Variants in FREM3 observed in about 807,000 individuals in gnomAD.
The protein encoded by FREM3 is FRAS1-related extracellular matrix protein 3.
A neutral mutation model predicts 129.1 loss-of-function variants in FREM3; 105 were observed. That is an observed-to-expected ratio of 0.81 (90% confidence interval 0.69 to 0.96). FREM3 has a LOEUF of 0.96. Ranked by LOEUF, FREM3 falls within the 40% of genes least tolerant of loss-of-function variation. The pLI is 0.00. For missense variants in FREM3, 2,593 were observed against 2,666.3 expected, an observed-to-expected ratio of 0.97 and a Z score of 0.61; for synonymous variants, 1,014 against 1,044.9, an observed-to-expected ratio of 0.97 and a Z score of 0.57.
At chr4:143,646,715 T>C (rs2149847580) in intron 2 of FREM3, among the ~76,000 whole-genome samples, 2 of 152,302 alleles carry the variant, frequency 1.3e-5, no homozygotes, top group Middle Eastern at 6.8e-3. Flanking sequence ...CCTTTGTAAA[T>C]TACCCAGTCT....
chr4:143,612,146 G>A (rs1738768042), intron 5 of FREM3, among the ~76,000 whole-genome samples: 1 of 152,192 alleles, frequency 6.6e-6, no homozygotes. Flanking sequence ...AGTTTGAAGA[G>A]TTTTGACAAA....
chr4:143,678,227 C>T (rs1002213450), intron 2 of FREM3, among the ~76,000 whole-genome samples: 2 of 151,770 alleles, frequency 1.3e-5, no homozygotes, highest in African/African-American at 4.8e-5. Context: ...CTGATGAGTT[C>T]GTGTCCTTTG....
rs560006254 is a variant in FREM3 at position 143,611,438 on chromosome 4, T to C, written c.5869A>G (p.Lys1957Glu). The C allele has an allele frequency of 6.5e-7, 1 of 1,537,234 alleles. No homozygotes were observed. Among genetic ancestry groups the C allele is most frequent in the Non-Finnish European group, 8.7e-7 (1 of 1,146,860 alleles). The change falls in exon 6 of 8, where the codon AAG (lysine) becomes GAG (glutamate). Residue 1957 changes from lysine (K) to glutamate (E), a missense_variant. This residue lies in a region of FREM3 where 317 missense variants were observed against 399.0 expected (regional missense o/e 0.79). Transcript: ENST00000329798. ...EDHTSILHFD[K>E]NETQKTCQVL... ...TGGCAGGTCTTCTGTGTCTCATTCT[T>C]GTCAAAGTGGAGGATGCTGGTGTGG...
At chr4:143,632,543 C>G (rs1739159598) in intron 2 of FREM3, among the ~76,000 whole-genome samples, 1 of 152,138 alleles carries the variant, frequency 6.6e-6, no homozygotes, top group Non-Finnish European at 1.5e-5. Context: ...TCCTATCAAT[C>G]AGTACCTATC....
chr4:143,614,200 TA>T (rs1219485701), intron 5 of FREM3, among the ~76,000 whole-genome samples: 2 of 152,190 alleles, frequency 1.3e-5, no homozygotes, highest in Non-Finnish European at 2.9e-5. Context: ...TTGTATTTAA[TA>T]AAAAAATTCA....
intron 2 of FREM3, among the ~76,000 whole-genome samples, chr4:143,668,754 A>G (rs958118384): frequency 6.6e-6 from 1 of 152,230 alleles, no homozygotes. Flanking sequence ...CCAATTTCTC[A>G]TAAACACAGG....
intron 2 of FREM3, among the ~76,000 whole-genome samples, chr4:143,679,312 C>T (rs779115297): frequency 6.6e-6 from 1 of 152,100 alleles, no homozygotes; most frequent in Admixed American, 6.6e-5. Context: ...TTCTCTCATT[C>T]GTTGAATTCT....
chr4:143,682,325 C>T (rs889695840), intron 2 of FREM3, among the ~76,000 whole-genome samples: 4 of 152,114 alleles, frequency 2.6e-5, no homozygotes, highest in South Asian at 2.1e-4. Flanking sequence ...ATTGGCTGTC[C>T]GCAACAAATC....
intron 5 of FREM3, among the ~76,000 whole-genome samples, chr4:143,615,707 C>CAAAA (rs55880735): frequency 1.3e-4 from 18 of 138,952 alleles, no homozygotes; most frequent in African/African-American, 5.3e-4. Flanking sequence ...CGTCAAGTGT[C>CAAAA]AAAAAAAAAA....
chr4:143,633,436 G>A (rs1739176099), intron 2 of FREM3, among the ~76,000 whole-genome samples: 1 of 152,052 alleles, frequency 6.6e-6, no homozygotes, highest in Admixed American at 6.6e-5. Context: ...TTCAATTATT[G>A]CATAAATATT....
chr4:143,616,643 A>C (rs1028452482), intron 5 of FREM3, among the ~76,000 whole-genome samples: 1 of 151,908 alleles, frequency 6.6e-6, no homozygotes, highest in Non-Finnish European at 1.5e-5. Context: ...AAAAAAGAAA[A>C]TTAGCCGGGC....
chr4:143,599,159 A>C (rs1738531174), intron 6 of FREM3, among the ~76,000 whole-genome samples: 1 of 152,218 alleles, frequency 6.6e-6, no homozygotes, highest in African/African-American at 2.4e-5. Flanking sequence ...GATTTTTAAA[A>C]AAGAATTTTG....
intron 2 of FREM3, among the ~76,000 whole-genome samples, chr4:143,654,304 T>C (rs562558551): frequency 3.3e-5 from 5 of 152,254 alleles, no homozygotes; most frequent in African/African-American, 1.2e-4. Flanking sequence ...GGTTTCACCA[T>C]GTTGGTCAGG....
chr4:143,685,094 G>A (rs1740335329), intron 2 of FREM3, among the ~76,000 whole-genome samples: 1 of 152,116 alleles, frequency 6.6e-6, no homozygotes, highest in South Asian at 2.1e-4. Context: ...GAATAATCAA[G>A]GAAAACTTCC....
rs776269686 is a variant in FREM3 at position 143,611,262 on chromosome 4, G to C, written c.6028+17C>G. The C allele has an allele frequency of 7.9e-6, 12 of 1,525,270 alleles. 1 individual carries two copies. The South Asian group carries it at 1.4e-4, about 18-fold the overall frequency. The allele number at this position is 1,525,270 out of a possible 1,614,324, so 94.5% of individuals were successfully genotyped here. A position where few individuals can be genotyped will look rare whatever the true frequency, so the allele number is the denominator to read the frequency against. Reference sequence around the variant, plus strand: ...GGCAGCTATTGCCAAAGGTTGGAAAGCAACAAATGGACTTACCATCATAAC... The same window carrying C: ...GGCAGCTATTGCCAAAGGTTGGAAACCAACAAATGGACTTACCATCATAAC... On this transcript the variant is annotated intron_variant, in intron 6 of 7. Coordinates refer to ENST00000329798, the MANE Select transcript of FREM3 (RefSeq NM_001168235.2).
At chr4:143,609,363 T>A (rs1409005947) in intron 6 of FREM3, among the ~76,000 whole-genome samples, 2 of 152,222 alleles carry the variant, frequency 1.3e-5, no homozygotes, top group Non-Finnish European at 2.9e-5. Flanking sequence ...GGAAAAGGAA[T>A]TTGAAGCTAT....
chr4:143,579,492 A>G (rs1304170662), intron 7 of FREM3, among the ~76,000 whole-genome samples: 2 of 152,174 alleles, frequency 1.3e-5, no homozygotes, highest in Non-Finnish European at 2.9e-5. Flanking sequence ...GAAAATTACT[A>G]AGGCAGGAGA....
rs756055456 is a variant in FREM3 at position 143,700,504 on chromosome 4, C to T, written c.172G>A (p.Asp58Asn). ...TTGGCAATCAGCACGCTGGGGCCGT[C>T]GGGGCGAGTGCCGTCAAGCGCACCC... ...ARGALDGTRP[D>N]GPSVLIANPG... Residue 58 changes from aspartate to asparagine, a missense_variant, in exon 1 of 8, where the codon GAC becomes AAC. By Grantham distance (23) the Asp-to-Asn change is conservative. Coordinates refer to ENST00000329798, the MANE Select transcript of FREM3 (RefSeq NM_001168235.2). 62 of 1,515,084 alleles carry T rather than the reference C, an allele frequency of 4.1e-5. No homozygotes were observed. The highest frequency in any genetic ancestry group is 5.2e-5 in the Non-Finnish European group (59 of 1,134,508). The allele number at this position is 1,515,084 out of a possible 1,614,324, so 93.9% of individuals were successfully genotyped here. A position where few individuals can be genotyped will look rare whatever the true frequency, so the allele number is the denominator to read the frequency against.
intron 2 of FREM3, among the ~76,000 whole-genome samples, chr4:143,631,742 G>A (rs776988596): frequency 6.6e-6 from 1 of 152,144 alleles, no homozygotes; most frequent in African/African-American, 2.4e-5. Flanking sequence ...TGCAGAGAAG[G>A]AGGGGCCATT....
Sources: gnomAD v4.1 joint callset for allele counts (sites outside exome capture counted in the v4.1 genomes callset) on GRCh38, gnomAD v4.1.1 for gene constraint, gnomAD v4.1.1 regional missense constraint, MANE v1.5 for transcripts, NCBI Gene and HGNC (gene_info 2026-07-23, HGNC 2026-07-21) for gene names.